C4orf50: variants seen among roughly 807,000 people sequenced by gnomAD.
The protein encoded by C4orf50 is uncharacterized protein C4orf50.
C4orf50 carries 80 observed loss-of-function variants against 77.2 expected under a neutral mutation model. The observed-to-expected ratio is 1.04, with a 90% CI of 0.87 to 1.25. The LOEUF is 1.25. C4orf50 is among the 50% of genes most tolerant of loss of function. The probability of loss-of-function intolerance (pLI) is 0.00; values close to 1 mark genes in which losing one functional copy is unlikely to be tolerated. For missense variants in C4orf50, 1,257 were observed against 1,152.9 expected (o/e 1.09, Z -1.31); for synonymous variants, 532 against 465.3 (o/e 1.14, Z -1.84).
intron 7 of C4orf50, among the ~76,000 whole-genome samples, chr4:5,946,943 A>C (rs1472923793): frequency 6.6e-6 from 1 of 152,190 alleles, no homozygotes; most frequent in African/African-American, 2.4e-5. Context: ...ACATATAACA[A>C]CGTGGGAGGT....
In C4orf50 at chr4:5,992,617, T is replaced by C. The variant is rs1721352003; in HGVS notation, c.1221+186A>G. On this transcript the variant is annotated intron_variant, in intron 27 of 33. Transcript: ENST00000531445. The surrounding 1 kb of genome is among the most constrained non-coding windows in gnomAD (Gnocchi z 5.0). Reference sequence around the variant, plus strand: ...TAACCCCCTTCCTCCCCACCCCCCATCCAGGTCTCAGGATGTTTCATTTCC... The same window carrying C: ...TAACCCCCTTCCTCCCCACCCCCCACCCAGGTCTCAGGATGTTTCATTTCC... Among the ~76,000 whole-genome samples the C allele has an allele frequency of 6.8e-6, 1 of 147,942 alleles. No homozygotes were observed. Among genetic ancestry groups the C allele is most frequent in the Admixed American group, 6.7e-5 (1 of 14,918 alleles).
Position 5,900,198 on chromosome 4 carries a change from C to T in C4orf50, c.*2475-2010G>A, listed in dbSNP as rs1209845648. On this transcript the variant is annotated intron_variant, in intron 7 of 7. Coordinates refer to the C4orf50 transcript ENST00000324058. This position sits in a 1 kb window ranked among gnomAD's most constrained non-coding sequence, Gnocchi z 4.3. The stretch of plus-strand genomic sequence containing the variant: ...CAGCCTGAAGATGAAAAGCCCCTCT[C>T]AAGTTTATAAAAGTTTACTCAATAA... 6.6e-6 allele frequency: 1 copy of T among 152,080 alleles called. No individual in the cohort carries two copies. Among genetic ancestry groups the T allele is most frequent in the Non-Finnish European group, 1.5e-5 (1 of 68,028 alleles). 9.4% of individuals were successfully genotyped at this position (152,080 alleles called of 1,614,324 possible).
chr4:5,964,372 C>T (rs917011331), intron 33 of C4orf50, among the ~76,000 whole-genome samples: 4 of 152,158 alleles, frequency 2.6e-5, no homozygotes, highest in Non-Finnish European at 4.4e-5. Flanking sequence ...AGGAAGATGA[C>T]CTGCCCTGAG....
intron 30 of C4orf50, among the ~76,000 whole-genome samples, chr4:5,975,286 C>G (rs1720203189): frequency 6.6e-6 from 1 of 151,838 alleles, no homozygotes; most frequent in Non-Finnish European, 1.5e-5. Flanking sequence ...ACCAAGGCCT[C>G]TCGTGCTTCA....
chr4:5,948,020 C>G (rs996895072), intron 7 of C4orf50, among the ~76,000 whole-genome samples: 4 of 152,162 alleles, frequency 2.6e-5, no homozygotes, highest in African/African-American at 9.7e-5. Flanking sequence ...GTACCTCTAC[C>G]TCCATGGTCA....
At chr4:5,969,841 AC>A (rs1348563442) in intron 31 of C4orf50, among the ~76,000 whole-genome samples, 1 of 152,136 alleles carries the variant, frequency 6.6e-6, no homozygotes, top group Non-Finnish European at 1.5e-5. Context: ...CAGGGAGAGG[AC>A]AGGAAACTAC....
rs1276938113 is a variant in C4orf50 at position 6,017,329 on chromosome 4, C to A, written c.287+816G>T. On this transcript the variant is annotated intron_variant, in intron 23 of 33. Coordinates refer to ENST00000531445, the Ensembl canonical transcript of C4orf50. This position sits in a 1 kb window ranked among gnomAD's most constrained non-coding sequence, Gnocchi z 4.7. ...GGCAGGGCAGAGCAGCCAGGCCACCCAGCGGGAGCTGGGACCGCAGAGGAA... is the reference window on the plus strand; with the variant it reads ...GGCAGGGCAGAGCAGCCAGGCCACCAAGCGGGAGCTGGGACCGCAGAGGAA... Among the ~76,000 whole-genome samples, 1 of 152,226 alleles carries A rather than the reference C, an allele frequency of 6.6e-6. No individual in the cohort carries two copies. The highest frequency in any genetic ancestry group is 1.9e-4 in the East Asian group (1 of 5,194).
At position 5,984,186 on chromosome 4, in the gene C4orf50, C is replaced by T. The variant is rs145913012; in HGVS notation, c.3700-3848G>A. Among the ~76,000 whole-genome samples the T allele has an allele frequency of 1.9e-3, 293 of 152,298 alleles. 1 individual carries two copies. The highest frequency in any genetic ancestry group is 4.1e-3 in the South Asian group (20 of 4,830). ...CAAGAATAAGATGATCTGCTGATCA[C>T]GCAACTATCTGCCAGAATAAAATTC... On this transcript the variant is annotated intron_variant, in intron 28 of 33. Coordinates refer to ENST00000531445, the Ensembl canonical transcript of C4orf50.
intron 31 of C4orf50, among the ~76,000 whole-genome samples, chr4:5,973,242 C>A (rs1720036338): frequency 6.6e-6 from 1 of 152,204 alleles, no homozygotes; most frequent in Non-Finnish European, 1.5e-5. Context: ...GGGCTCAGAG[C>A]AGGCTGCCTG....
intron 7 of C4orf50, among the ~76,000 whole-genome samples, chr4:5,922,885 T>A (rs987134169): frequency 7.2e-5 from 11 of 152,232 alleles, no homozygotes; most frequent in African/African-American, 2.7e-4. Flanking sequence ...CCCATGGCTC[T>A]GAGAGACCTT....
chr4:5,983,454 G>A (rs748810109), intron 28 of C4orf50, among the ~76,000 whole-genome samples: 67 of 152,274 alleles, frequency 4.4e-4, no homozygotes, highest in Admixed American at 1.7e-3. Flanking sequence ...CTGGCCGCTC[G>A]CTTTTCCCTC....
intron 7 of C4orf50, among the ~76,000 whole-genome samples, chr4:5,909,916 T>C (rs1298713628): frequency 6.6e-6 from 1 of 152,214 alleles, no homozygotes; most frequent in Non-Finnish European, 1.5e-5. Context: ...GGTTTTGTAG[T>C]ATATTTTGAA....
In C4orf50 at chr4:5,971,178, C is replaced by T. The variant is rs1719886574; in HGVS notation, c.4104+2481G>A. On this transcript the variant is annotated intron_variant, in intron 31 of 33. Transcript: ENST00000531445. ...TCCAGCCCATCAGAGTCTCCCCAGC[C>T]ATCCTGGCAGTCCTCCTGGGCTCCT... 4.6e-5 allele frequency among the ~76,000 whole-genome samples: 7 copies of T among 152,218 alleles called. No homozygotes were observed. The South Asian group carries it at 1.4e-3, about 31-fold the overall frequency.
chr4:5,959,553 G>A (rs752372062), exon 34 of C4orf50: 1 of 1,614,144 alleles, frequency 6.2e-7, no homozygotes, highest in East Asian at 2.2e-5. Flanking sequence ...ACGTTGTGCG[G>A]GGAGACCTGG....
chr4:5,936,580 A>AAAAAG (rs1718028327), intron 7 of C4orf50, among the ~76,000 whole-genome samples: 2 of 147,456 alleles, frequency 1.4e-5, no homozygotes, highest in African/African-American at 5.3e-5. Context: ...AAAAAAAAAA[A>AAAAAG]AAAGAAAGAC....
At chr4:5,959,153 G>A in exon 34 of C4orf50, 1 of 564,450 alleles carries the variant, frequency 1.8e-6, no homozygotes, top group South Asian at 2.2e-5. Flanking sequence ...TTCCTATGCT[G>A]CCTTGACATT....
Position 5,992,981 on chromosome 4 carries a change from G to A in C4orf50, c.1094-51C>T, listed in dbSNP as rs1721376753. Reference sequence around the variant, plus strand: ...TTACAAAGATGCTCCCAGGGGCTCTGCCATGATCGCCTCTAGGGACCACGT... The same window carrying A: ...TTACAAAGATGCTCCCAGGGGCTCTACCATGATCGCCTCTAGGGACCACGT... On this transcript the variant is annotated intron_variant, in intron 26 of 33. Coordinates refer to ENST00000531445, the Ensembl canonical transcript of C4orf50. This position sits in a 1 kb window ranked among gnomAD's most constrained non-coding sequence, Gnocchi z 5.0. 2.5e-6 allele frequency: 1 copy of A among 398,460 alleles called. No individual in the cohort carries two copies. Among genetic ancestry groups the A allele is most frequent in the Non-Finnish European group, 4.4e-6 (1 of 225,864 alleles). 24.7% of individuals were successfully genotyped at this position (398,460 alleles called of 1,614,324 possible).
chr4:5,984,748 G>A (rs1720771136), intron 28 of C4orf50, among the ~76,000 whole-genome samples: 1 of 151,778 alleles, frequency 6.6e-6, no homozygotes, highest in Non-Finnish European at 1.5e-5. Flanking sequence ...TTTCTAGAAG[G>A]AGAGGAAAGA....
chr4:6,001,996 C>T (rs999609034), intron 25 of C4orf50, among the ~76,000 whole-genome samples: 28 of 152,328 alleles, frequency 1.8e-4, no homozygotes, highest in Non-Finnish European at 3.2e-4. Flanking sequence ...AGACCATAAG[C>T]CGTCATCTGC....
Sources: allele counts gnomAD v4.1 joint callset (sites outside exome capture counted in the v4.1 genomes callset), GRCh38; gene constraint gnomAD v4.1.1; non-coding constraint Gnocchi (gnomAD v3.1); transcripts MANE v1.5; gene names NCBI Gene and HGNC (gene_info 2026-07-23, HGNC 2026-07-21).